Variants in HTR1B observed in about 807,000 individuals in gnomAD.
HTR1B encodes the protein 5-hydroxytryptamine (serotonin) receptor 1B, G protein-coupled.
A neutral mutation model predicts 25.3 loss-of-function variants in HTR1B; 12 were observed. The ratio of observed to expected loss-of-function variants is 0.47; its 90% CI spans 0.30 to 0.77. The LOEUF (loss-of-function observed/expected upper bound fraction) is 0.77. Ranked by LOEUF, HTR1B falls within the 30% of genes least tolerant of loss-of-function variation. HTR1B has a pLI of 0.06. For missense variants in HTR1B, 453 were observed against 503.0 expected (o/e 0.90, Z 0.95); for synonymous variants, 224 against 219.1 (o/e 1.02, Z -0.20).
chr6:77,462,084 C>A lies in HTR1B; in HGVS notation c.*147G>T, dbSNP rs1471537715. Reference sequence around the variant, plus strand: ...TTCAGAGCTCTCTCTCAGGACTATTCTGGCTTCTCAGGATCCATTGCCCTT... The same window carrying A: ...TTCAGAGCTCTCTCTCAGGACTATTATGGCTTCTCAGGATCCATTGCCCTT... On this transcript the variant is annotated 3_prime_UTR_variant, in exon 1 of 1. Transcript: ENST00000369947. The surrounding 1 kb of genome is among the most constrained non-coding windows in gnomAD (Gnocchi z 4.9). 1 of 624,366 alleles carries A rather than the reference C, an allele frequency of 1.6e-6. No individual in the cohort carries two copies. The highest frequency in any genetic ancestry group is 2.8e-6 in the Non-Finnish European group (1 of 352,238). The allele number at this position is 624,366 out of a possible 1,614,324, so 38.7% of individuals were successfully genotyped here. A position where few individuals can be genotyped will look rare whatever the true frequency, so the allele number is the denominator to read the frequency against.
In HTR1B at chr6:77,462,350, C is replaced by G; in HGVS notation, c.1054G>C (p.Asp352His). Residue 352 changes from aspartate to histidine, a missense_variant, in exon 1 of 1, where the codon GAC (aspartate) becomes CAC (histidine). Coordinates refer to ENST00000369947, the MANE Select transcript of HTR1B (RefSeq NM_000863.3). The surrounding 1 kb of genome is among the most constrained non-coding windows in gnomAD (Gnocchi z 4.9). ...DACWFHLAIF[D>H]FFTWLGYLNS... is the part of the protein sequence containing the mutation. ...AGATAGCCCAGCCATGTGAAGAAGT[C>G]AAAGATGGCTAGGTGGAACCAGCAG... is the stretch of plus-strand genomic sequence containing the variant. 1 of 1,613,964 alleles carries G rather than the reference C, an allele frequency of 6.2e-7. No individual in the cohort carries two copies. Among genetic ancestry groups the G allele is most frequent in the Non-Finnish European group, 8.5e-7 (1 of 1,179,908 alleles).
In HTR1B at chr6:77,461,354, T is replaced by C. The variant is rs1766132412; in HGVS notation, c.*877A>G. On this transcript the variant is annotated 3_prime_UTR_variant, in exon 1 of 1. Transcript: ENST00000369947. ...CTTCATTTATGGGGATTTAAATGTG[T>C]AAAGTGACAGGTACATGAAATTAAG... 6.6e-6 allele frequency among the ~76,000 whole-genome samples: 1 copy of C among 152,172 alleles called. No individual in the cohort carries two copies. The highest frequency in any genetic ancestry group is 2.4e-5 in the African/African-American group (1 of 41,430).
In HTR1B at chr6:77,462,205, T is replaced by TA. The variant is rs1301327058; in HGVS notation, c.*25dup. The TA allele has an allele frequency of 2.6e-6, 4 of 1,547,676 alleles. No homozygotes were observed. The African/African-American group carries it at 5.5e-5, about 21-fold the overall frequency. On this transcript the variant is annotated 3_prime_UTR_variant, in exon 1 of 1. Coordinates refer to ENST00000369947, the MANE Select transcript of HTR1B (RefSeq NM_000863.3). This position sits in a 1 kb window ranked among gnomAD's most constrained non-coding sequence, Gnocchi z 4.9. ...CACAACTTGGTCCCCAAAGGTCGCT[T>TA]AGGCGACCCCACTGCAAACGGCAAG...
At position 77,461,150 on chromosome 6, in the gene HTR1B, T is replaced by C. The variant is rs550898859; in HGVS notation, c.*1081A>G. ...CATCCTCCTATTGCCCCCACCCCAT[T>C]CCTCAATTGTGTAAGAACTATCCCC... On this transcript the variant is annotated 3_prime_UTR_variant, in exon 1 of 1. Transcript: ENST00000369947. Among the ~76,000 whole-genome samples, 13 of 152,270 alleles carry C rather than the reference T, an allele frequency of 8.5e-5. No individual in the cohort carries two copies. Among genetic ancestry groups the C allele is most frequent in the Non-Finnish European group, 1.6e-4 (11 of 68,018 alleles).
In HTR1B at chr6:77,462,095, G is replaced by T; in HGVS notation, c.*136C>A. 1 of 640,946 alleles carries T rather than the reference G, an allele frequency of 1.6e-6. No individual in the cohort carries two copies. The highest frequency in any genetic ancestry group is 2.7e-5 in the East Asian group (1 of 37,560). The allele number at this position is 640,946 out of a possible 1,614,324, so 39.7% of individuals were successfully genotyped here. ...CTCTCAGGACTATTCTGGCTTCTCA[G>T]GATCCATTGCCCTTGCCCAGGAGAG... is the stretch of plus-strand genomic sequence containing the variant. On this transcript the variant is annotated 3_prime_UTR_variant, in exon 1 of 1. Transcript: ENST00000369947. This position sits in a 1 kb window ranked among gnomAD's most constrained non-coding sequence, Gnocchi z 4.9.
rs1385183254 is a variant in HTR1B at position 77,462,104 on chromosome 6, G to A, written c.*127C>T. 6 of 658,666 alleles carry A rather than the reference G, an allele frequency of 9.1e-6. No homozygotes were observed. The Admixed American group carries it at 1.3e-4, about 15-fold the overall frequency. The allele number at this position is 658,666 out of a possible 1,614,324, so 40.8% of individuals were successfully genotyped here. A position where few individuals can be genotyped will look rare whatever the true frequency, so the allele number is the denominator to read the frequency against. On this transcript the variant is annotated 3_prime_UTR_variant, in exon 1 of 1. Transcript: ENST00000369947. This position sits in a 1 kb window ranked among gnomAD's most constrained non-coding sequence, Gnocchi z 4.9. ...CTATTCTGGCTTCTCAGGATCCATT[G>A]CCCTTGCCCAGGAGAGAGAGCCTCG...
In HTR1B at chr6:77,463,474, C is replaced by G. The variant is rs201503955; in HGVS notation, c.-71G>C. The G allele has an allele frequency of 2.9e-5, 38 of 1,314,236 alleles. No individual in the cohort carries two copies. Among genetic ancestry groups the G allele is most frequent in the Non-Finnish European group, 3.8e-5 (36 of 947,716 alleles). The allele number at this position is 1,314,236 out of a possible 1,614,324, so 81.4% of individuals were successfully genotyped here. A position where few individuals can be genotyped will look rare whatever the true frequency, so the allele number is the denominator to read the frequency against. ...CGGACGAAGGAGAGGGCGGAAGGACCGTGGCGATCGCAGGTTTGTCCCCAG... is the reference window on the plus strand; with the variant it reads ...CGGACGAAGGAGAGGGCGGAAGGACGGTGGCGATCGCAGGTTTGTCCCCAG... On this transcript the variant is annotated 5_prime_UTR_variant, in exon 1 of 1. Transcript: ENST00000369947.
chr6:77,463,195 A>C lies in HTR1B; in HGVS notation c.209T>G (p.Val70Gly). The change falls in exon 1 of 1, where the codon GTG becomes GGG. Residue 70 changes from valine to glycine, a missense_variant. Val to Gly is a moderately radical substitution (Grantham distance 109, BLOSUM62 -3). Around this residue, in one of 3 missense-constraint regions of HTR1B, gnomAD observed 129 missense variants for 118.3 expected, o/e 1.09. Transcript: ENST00000369947. ...CCGGGTCCGGTACACTGTGGCAATC[A>C]CAAAGGCATTGGAGAGCGTGGTGGC... ...TLATTLSNAF[V>G]IATVYRTRKL... is the part of the protein sequence containing the mutation. 6.2e-7 allele frequency: 1 copy of C among 1,614,250 alleles called. No individual in the cohort carries two copies. Among genetic ancestry groups the C allele is most frequent in the Non-Finnish European group, 8.5e-7 (1 of 1,180,050 alleles).
rs766134089 is a variant in HTR1B, at chr6:77,462,925, T to G, written c.479A>C (p.Lys160Thr). 2 of 1,613,962 alleles carry G rather than the reference T, an allele frequency of 1.2e-6. No individual in the cohort carries two copies. Among genetic ancestry groups the G allele is most frequent in the South Asian group, 2.2e-5 (2 of 91,066 alleles). ...GACCGCCGCCCTCTTGGGAGTCCTT[T>G]TAGCTGAGTACTCCACGGCGTCCGT... Reference protein sequence around the residue: ...AITDAVEYSAKRTPKRAAVMI... With the variant: ...AITDAVEYSATRTPKRAAVMI... Residue 160 changes from lysine to threonine, a missense_variant, in exon 1 of 1, where the codon AAA becomes ACA. Around this residue, in one of 3 missense-constraint regions of HTR1B, gnomAD observed 289 missense variants for 319.6 expected, o/e 0.90. Coordinates refer to ENST00000369947, the MANE Select transcript of HTR1B (RefSeq NM_000863.3). This position sits in a 1 kb window ranked among gnomAD's most constrained non-coding sequence, Gnocchi z 4.9.
In HTR1B at chr6:77,462,825, T is replaced by C. The variant is rs758348709; in HGVS notation, c.579A>G (p.Glu193=). ...PPFFWRQAKA[E]EEVSECVVNT... is the part of the protein sequence containing the mutation. ...TCACCACGCATTCCGACACCTCCTC[T>C]TCGGCCTTAGCCTGACGCCAGAAGA... Residue 193 remains glutamate, a synonymous_variant, in exon 1 of 1, where the codon GAA becomes GAG. Coordinates refer to ENST00000369947, the MANE Select transcript of HTR1B (RefSeq NM_000863.3). This position sits in a 1 kb window ranked among gnomAD's most constrained non-coding sequence, Gnocchi z 4.9. 4 of 1,614,002 alleles carry C rather than the reference T, an allele frequency of 2.5e-6. No individual in the cohort carries two copies. The highest frequency in any genetic ancestry group is 4.5e-5 in the East Asian group (2 of 44,858).
rs777408306 is a variant in HTR1B at position 77,462,519 on chromosome 6, G to C, written c.885C>G (p.Ser295=). 6.2e-7 allele frequency: 1 copy of C among 1,613,646 alleles called. No individual in the cohort carries two copies. The highest frequency in any genetic ancestry group is 8.5e-7 in the Non-Finnish European group (1 of 1,180,036). The change falls in exon 1 of 1, where the codon TCC becomes TCG. Residue 295 remains serine, a synonymous_variant. Transcript: ENST00000369947. This position sits in a 1 kb window ranked among gnomAD's most constrained non-coding sequence, Gnocchi z 4.9. ...GTTTCTTCTTTTCCAGCAGGGCGTC[G>C]GAGACTCGCACTTTGACTTGGTTCA... The part of the protein sequence containing the change: ...VYVNQVKVRV[S]DALLEKKKLM...
rs1217488787 is a variant in HTR1B at position 77,462,842 on chromosome 6, G to T, written c.562C>A (p.Arg188Ser). The T allele has an allele frequency of 1.2e-6, 2 of 1,613,986 alleles. No individual in the cohort carries two copies. Among genetic ancestry groups the T allele is most frequent in the East Asian group, 2.2e-5 (1 of 44,870 alleles). Residue 188 changes from arginine (R) to serine (S), a missense_variant, in exon 1 of 1, where the codon CGT becomes AGT. Around this residue, in one of 3 missense-constraint regions of HTR1B, gnomAD observed 289 missense variants for 319.6 expected, o/e 0.90. Transcript: ENST00000369947. The surrounding 1 kb of genome is among the most constrained non-coding windows in gnomAD (Gnocchi z 4.9). The stretch of plus-strand genomic sequence containing the variant: ...ACCTCCTCTTCGGCCTTAGCCTGAC[G>T]CCAGAAGAAGGGCGGCAGCGAGATA... ...ISISLPPFFW[R>S]QAKAEEEVSE... is the part of the protein sequence containing the mutation.
Position 77,462,319 on chromosome 6 carries a change from G to C in HTR1B, c.1085C>G (p.Ser362Cys), listed in dbSNP as rs765801908. ...DFFTWLGYLN[S>C]LINPIIYTMS... The stretch of plus-strand genomic sequence containing the variant: ...GGTATAGATTATGGGGTTGATGAGG[G>C]AGTTGAGATAGCCCAGCCATGTGAA... The change falls in exon 1 of 1, where the codon TCC becomes TGC. Residue 362 changes from serine (S) to cysteine (C), a missense_variant. Coordinates refer to ENST00000369947, the MANE Select transcript of HTR1B (RefSeq NM_000863.3). The surrounding 1 kb of genome is among the most constrained non-coding windows in gnomAD (Gnocchi z 4.9). 1.9e-5 allele frequency: 30 copies of C among 1,613,952 alleles called. No homozygotes were observed. Among genetic ancestry groups the C allele is most frequent in the Non-Finnish European group, 2.5e-5 (30 of 1,179,938 alleles).
rs1766144392 is a variant in HTR1B, at chr6:77,462,068, C to T, written c.*163G>A. On this transcript the variant is annotated 3_prime_UTR_variant, in exon 1 of 1. Coordinates refer to ENST00000369947, the MANE Select transcript of HTR1B (RefSeq NM_000863.3). The surrounding 1 kb of genome is among the most constrained non-coding windows in gnomAD (Gnocchi z 4.9). ...TTTCAACACTTCTCCTTTCAGAGCT[C>T]TCTCTCAGGACTATTCTGGCTTCTC... 4 of 604,368 alleles carry T rather than the reference C, an allele frequency of 6.6e-6. No homozygotes were observed. Among genetic ancestry groups the T allele is most frequent in the South Asian group, 4.1e-5 (2 of 49,240 alleles). 37.4% of individuals were successfully genotyped at this position (604,368 alleles called of 1,614,324 possible).
In HTR1B at chr6:77,462,713, T is replaced by C; in HGVS notation, c.691A>G (p.Ile231Val). ...TLLLIALYGRIYVEARSRILK... is the reference protein window; with the variant it reads ...TLLLIALYGRVYVEARSRILK... ...ATCCGGGAGCGGGCTTCTACGTAGA[T>C]GCGGCCATAGAGGGCGATGAGGAGC... Residue 231 changes from isoleucine (I) to valine (V), a missense_variant, in exon 1 of 1, where the codon ATC (isoleucine) becomes GTC (valine). Transcript: ENST00000369947. This position sits in a 1 kb window ranked among gnomAD's most constrained non-coding sequence, Gnocchi z 4.9. 6.2e-7 allele frequency: 1 copy of C among 1,613,744 alleles called. No homozygotes were observed. The highest frequency in any genetic ancestry group is 2.2e-5 in the East Asian group (1 of 44,838).
Position 77,463,434 on chromosome 6 carries a change from C to G in HTR1B, c.-31G>C. 1 of 1,581,242 alleles carries G rather than the reference C, an allele frequency of 6.3e-7. No individual in the cohort carries two copies. The highest frequency in any genetic ancestry group is 2.2e-5 in the East Asian group (1 of 44,642). ...TCCTCGCCCCAGCTCCGGAGCGCAG[C>G]TCTTGGGCATGGAGCGGACGAAGGA... On this transcript the variant is annotated 5_prime_UTR_variant, in exon 1 of 1. Coordinates refer to ENST00000369947, the MANE Select transcript of HTR1B (RefSeq NM_000863.3).
Position 77,462,129 on chromosome 6 carries a change from G to A in HTR1B, c.*102C>T, listed in dbSNP as rs1412706228. ...GCCCTTGCCCAGGAGAGAGAGCCTC[G>A]CTGGGACCCAGAAACCGCGAAAGAA... On this transcript the variant is annotated 3_prime_UTR_variant, in exon 1 of 1. Coordinates refer to ENST00000369947, the MANE Select transcript of HTR1B (RefSeq NM_000863.3). This position sits in a 1 kb window ranked among gnomAD's most constrained non-coding sequence, Gnocchi z 4.9. 3 of 774,710 alleles carry A rather than the reference G, an allele frequency of 3.9e-6. No individual in the cohort carries two copies. Among genetic ancestry groups the A allele is most frequent in the East Asian group, 2.5e-5 (1 of 40,004 alleles). 48.0% of individuals were successfully genotyped at this position (774,710 alleles called of 1,614,324 possible). A position where few individuals can be genotyped will look rare whatever the true frequency, so the allele number is the denominator to read the frequency against.
At position 77,462,649 on chromosome 6, in the gene HTR1B, G is replaced by A. The variant is rs1401567390; in HGVS notation, c.755C>T (p.Thr252Ile). 2 of 1,613,306 alleles carry A rather than the reference G, an allele frequency of 1.2e-6. No individual in the cohort carries two copies. The highest frequency in any genetic ancestry group is 8.5e-7 in the Non-Finnish European group (1 of 1,180,026). Residue 252 changes from threonine to isoleucine, a missense_variant, in exon 1 of 1, where the codon ACC (threonine) becomes ATC (isoleucine). Thr to Ile is a moderately conservative substitution (Grantham distance 89). Around this residue, in one of 3 missense-constraint regions of HTR1B, gnomAD observed 289 missense variants for 319.6 expected, o/e 0.90. Coordinates refer to ENST00000369947, the MANE Select transcript of HTR1B (RefSeq NM_000863.3). This position sits in a 1 kb window ranked among gnomAD's most constrained non-coding sequence, Gnocchi z 4.9. ...GGAGTCGGTTATCAGCTGGGCTCGG[G>A]TCAAGCGCTTGCCGGTCCTGTTGGG... ...QTPNRTGKRL[T>I]RAQLITDSPG...
In HTR1B at chr6:77,462,771, G is replaced by A; in HGVS notation, c.633C>T (p.Tyr211=). The A allele has an allele frequency of 6.2e-7, 1 of 1,614,072 alleles. No homozygotes were observed. Among genetic ancestry groups the A allele is most frequent in the Non-Finnish European group, 8.5e-7 (1 of 1,180,038 alleles). Residue 211 remains tyrosine, a synonymous_variant, in exon 1 of 1, where the codon TAC becomes TAT. Transcript: ENST00000369947. This position sits in a 1 kb window ranked among gnomAD's most constrained non-coding sequence, Gnocchi z 4.9. ...GGAAGTAGAAAGCACCCACCGTGGAGTAGACCGTGTAGAGGATGTGGTCGG... is the reference window on the plus strand; with the variant it reads ...GGAAGTAGAAAGCACCCACCGTGGAATAGACCGTGTAGAGGATGTGGTCGG... The part of the protein sequence containing the change: ...VNTDHILYTV[Y]STVGAFYFPT...
Sources: allele counts gnomAD v4.1 joint callset (sites outside exome capture counted in the v4.1 genomes callset), GRCh38; gene constraint gnomAD v4.1.1; regional missense constraint gnomAD v4.1.1; non-coding constraint Gnocchi (gnomAD v3.1); transcripts MANE v1.5; gene names NCBI Gene and HGNC (gene_info 2026-07-23, HGNC 2026-07-21).